Variants in HSPH1 observed in about 807,000 individuals in gnomAD.
The protein encoded by HSPH1 is heat shock protein family H (Hsp110) member 1.
In HSPH1, 40 loss-of-function variants were observed where a neutral mutation model predicts 100.0. The observed-to-expected ratio is 0.40, with a 90% confidence interval of 0.31 to 0.52. HSPH1 has a LOEUF of 0.52. Among genes scored for constraint, HSPH1 ranks in the 20% least tolerant of loss-of-function variants. The pLI is 0.54. For missense variants in HSPH1, 876 were observed against 1,015.1 expected (o/e 0.86, Z 1.86); for synonymous variants, 403 against 344.0 (o/e 1.17, Z -1.90).
chr13:31,154,548 C>T (rs1956609400), intron 4 of HSPH1, 85 bp downstream of exon 4: 8 of 1,478,888 alleles, frequency 5.4e-6, no homozygotes, highest in South Asian at 1.1e-5. Flanking sequence ...AACTAAAGAA[C>T]AGCTTTCCCA....
At position 31,161,765 on chromosome 13, in the gene HSPH1, C is replaced by T; in HGVS notation, c.-183G>A. Reference sequence around the variant, plus strand: ...CGGCCTGTCAGGAGCCTCCTACTCCCCCGGGGACAGCGGCGGCTGGCTGAT... The same window carrying T: ...CGGCCTGTCAGGAGCCTCCTACTCCTCCGGGGACAGCGGCGGCTGGCTGAT... On this transcript the variant is annotated 5_prime_UTR_variant, in exon 1 of 18. Coordinates refer to ENST00000320027, the MANE Select transcript of HSPH1 (RefSeq NM_006644.4). 6.6e-7 allele frequency: 1 copy of T among 1,514,478 alleles called. No individual in the cohort carries two copies. Among genetic ancestry groups the T allele is most frequent in the Non-Finnish European group, 8.8e-7 (1 of 1,133,286 alleles). 93.8% of individuals were successfully genotyped at this position (1,514,478 alleles called of 1,614,324 possible). A position where few individuals can be genotyped will look rare whatever the true frequency, so the allele number is the denominator to read the frequency against.
chr13:31,146,138 T>C (rs553845936), intron 10 of HSPH1, among the ~76,000 whole-genome samples: 2 of 151,946 alleles, frequency 1.3e-5, no homozygotes, highest in African/African-American at 2.4e-5. Context: ...TGTCTCTTAA[T>C]AAATCAATAA....
intron 2 of HSPH1, among the ~76,000 whole-genome samples, chr13:31,156,253 G>A (rs973863453): frequency 6.6e-6 from 1 of 152,144 alleles, no homozygotes; most frequent in Non-Finnish European, 1.5e-5. Flanking sequence ...AGCCGGGCGT[G>A]GTTGCGGGCA....
intron 1 of HSPH1, 82 bp downstream of exon 1, chr13:31,161,394 C>T: frequency 1.3e-6 from 2 of 1,554,012 alleles, no homozygotes; most frequent in Non-Finnish European, 8.7e-7. Flanking sequence ...CGCGGTGATC[C>T]GTACAGCCAG....
chr13:31,143,923 T>C lies in HSPH1; in HGVS notation c.1585A>G (p.Lys529Glu), dbSNP rs367931444. ...QRPPENPDTD[K>E]NVQQDNSEAG... ...TCACTGTTGTCTTGCTGGACATTTT[T>C]CTGAAATGAAAGCCCAGGCACAAAG... Residue 529 changes from lysine (K) to glutamate (E), a missense_variant and splice_region_variant, in exon 12 of 18, where the codon AAA becomes GAA. Transcript: ENST00000320027. 25 of 1,589,344 alleles carry C rather than the reference T, an allele frequency of 1.6e-5. No individual in the cohort carries two copies. Among genetic ancestry groups the C allele is most frequent in the Non-Finnish European group, 2.0e-5 (23 of 1,167,816 alleles).
At chr13:31,161,245 G>A (rs1956896101) in intron 1 of HSPH1, among the ~76,000 whole-genome samples, 1 of 152,132 alleles carries the variant, frequency 6.6e-6, no homozygotes, top group Non-Finnish European at 1.5e-5. Flanking sequence ...TCGACTCTGG[G>A]ACTCCTCTCA....
Position 31,154,477 on chromosome 13 carries a change from A to C in HSPH1, c.429+156T>G, listed in dbSNP as rs1593206693. The C allele has an allele frequency of 1.8e-5, 15 of 843,770 alleles. No individual in the cohort carries two copies. In the East Asian group the frequency reaches 2.9e-4, roughly 16 times the overall value. The allele number at this position is 843,770 out of a possible 1,614,324, so 52.3% of individuals were successfully genotyped here. A position where few individuals can be genotyped will look rare whatever the true frequency, so the allele number is the denominator to read the frequency against. On this transcript the variant is annotated intron_variant, in intron 4 of 17. Coordinates refer to ENST00000320027, the MANE Select transcript of HSPH1 (RefSeq NM_006644.4). ...GCTTCTGGCTAAAAATATCACTCAA[A>C]TCTACTTTGTAATGCTCTGGAACAC...
At chr13:31,153,068 A>G in intron 4 of HSPH1, 117 bp from the exon 5 acceptor site, 1 of 664,740 alleles carries the variant, frequency 1.5e-6, no homozygotes, top group Non-Finnish European at 2.6e-6. Context: ...GCCAAGTCAC[A>G]AAACAGAAAT....
Position 31,150,826 on chromosome 13 carries a change from A to C in HSPH1, c.908+121T>G, listed in dbSNP as rs548345689. On this transcript the variant is annotated intron_variant, in intron 7 of 17. Transcript: ENST00000320027. ...GATAAACAACAGCATCTCCAGCCAC[A>C]GGCATGTAACACACAATTCTGAAAT... 3.1e-6 allele frequency: 3 copies of C among 955,906 alleles called. No homozygotes were observed. In the African/African-American group the frequency reaches 4.9e-5, roughly 16 times the overall value. 59.2% of individuals were successfully genotyped at this position (955,906 alleles called of 1,614,324 possible).
intron 12 of HSPH1, 74 bp downstream of exon 12, chr13:31,143,718 T>C (rs898352581): frequency 7.8e-7 from 1 of 1,276,324 alleles, no homozygotes; most frequent in Non-Finnish European, 1.0e-6. Context: ...CTCTTGAAAC[T>C]GCAATTTAAT....
chr13:31,135,742 A>G lies in HSPH1; in HGVS notation c.*1576T>C, dbSNP rs557946521. ...GCTGAGGAAATAAACCTCAGCAGTC[A>G]AGTGTTACTAAACCTCATAGTTTGA... On this transcript the variant is annotated 3_prime_UTR_variant, in exon 18 of 18. Coordinates refer to ENST00000320027, the MANE Select transcript of HSPH1 (RefSeq NM_006644.4). 6.6e-6 allele frequency: 1 copy of G among 152,364 alleles called. No homozygotes were observed. Among genetic ancestry groups the G allele is most frequent in the African/African-American group, 2.4e-5 (1 of 41,592 alleles). 9.4% of individuals were successfully genotyped at this position (152,364 alleles called of 1,614,324 possible).
intron 13 of HSPH1, 135 bp from the exon 14 acceptor site, chr13:31,140,444 G>T: frequency 1.7e-6 from 1 of 605,634 alleles, no homozygotes; most frequent in Non-Finnish European, 2.6e-6. Flanking sequence ...CTTATACCTT[G>T]TCAAACTCTT....
chr13:31,139,761 CAAG>C (rs1427132493), intron 14 of HSPH1, among the ~76,000 whole-genome samples: 1 of 151,874 alleles, frequency 6.6e-6, no homozygotes, highest in Non-Finnish European at 1.5e-5. Flanking sequence ...AACTGGGAGT[CAAG>C]AAAAGGGATA....
Position 31,141,271 on chromosome 13 carries a change from G to A in HSPH1, c.1717-12C>T. 3.8e-6 allele frequency: 6 copies of A among 1,565,752 alleles called. No individual in the cohort carries two copies. The highest frequency in any genetic ancestry group is 2.0e-5 in the Admixed American group (1 of 49,988). On this transcript the variant is annotated splice_polypyrimidine_tract_variant and intron_variant, in intron 12 of 17. Coordinates refer to ENST00000320027, the MANE Select transcript of HSPH1 (RefSeq NM_006644.4). The stretch of plus-strand genomic sequence containing the variant: ...TTTTTTTCATTTGCCTTGGGAAGAG[G>A]AATAAAAAAAGGAAAAAATTTTAAA...
In HSPH1 at chr13:31,137,209, T is replaced by A; in HGVS notation, c.*109A>T. ...TTTTCCATATAATACACAAAATTTC[T>A]AAATATCCTTAAAAAAGAAAATATA... On this transcript the variant is annotated 3_prime_UTR_variant, in exon 18 of 18. Transcript: ENST00000320027. 1 of 772,766 alleles carries A rather than the reference T, an allele frequency of 1.3e-6. No homozygotes were observed. Among genetic ancestry groups the A allele is most frequent in the Admixed American group, 2.4e-5 (1 of 41,696 alleles). 47.9% of individuals were successfully genotyped at this position (772,766 alleles called of 1,614,324 possible).
rs140546706 is a variant in HSPH1 at position 31,142,607 on chromosome 13, A to G, written c.1716+1185T>C. Among the ~76,000 whole-genome samples, 1,521 of 152,220 alleles carry G rather than the reference A, an allele frequency of 1.0e-2. 16 individuals are homozygous for G. Among genetic ancestry groups the G allele is most frequent in the Non-Finnish European group, 0.015 (1,026 of 67,980 alleles). On this transcript the variant is annotated intron_variant, in intron 12 of 17. Coordinates refer to ENST00000320027, the MANE Select transcript of HSPH1 (RefSeq NM_006644.4). ...AGACAAGACAACCTGATAGTACCCA[A>G]TTAAACCAACTACTGACAAAACCAG...
chr13:31,150,297 C>G, intron 7 of HSPH1, 115 bp from the exon 8 acceptor site: 1 of 678,560 alleles, frequency 1.5e-6, no homozygotes. Flanking sequence ...CCCACATGGG[C>G]CAAGTTTAGC....
rs1955916556 is a variant in HSPH1 at position 31,137,334 on chromosome 13, T to C, written c.2561A>G (p.Asn854Ser). ...ECYPNEKNSV[N>S]MDLD ...TAAGGTTATCTAGTCCAAGTCCATA[T>C]TAACAGAATTTTTCTCATTAGGGTA... is the stretch of plus-strand genomic sequence containing the variant. The change falls in exon 18 of 18, where the codon AAT (asparagine) becomes AGT (serine). Residue 854 changes from asparagine (N) to serine (S), a missense_variant. Coordinates refer to ENST00000320027, the MANE Select transcript of HSPH1 (RefSeq NM_006644.4). 5 of 1,608,174 alleles carry C rather than the reference T, an allele frequency of 3.1e-6. No individual in the cohort carries two copies. In the African/African-American group the frequency reaches 5.4e-5, roughly 17 times the overall value.
intron 11 of HSPH1, 90 bp from the exon 12 acceptor site, chr13:31,144,013 C>T: frequency 2.7e-6 from 3 of 1,127,148 alleles, no homozygotes; most frequent in Non-Finnish European, 3.5e-6. Context: ...AAAGTACACT[C>T]AATTTCTGAA....
Sources: gnomAD v4.1 joint callset for allele counts (sites outside exome capture counted in the v4.1 genomes callset) on GRCh38, gnomAD v4.1.1 for gene constraint, MANE v1.5 for transcripts, NCBI Gene and HGNC (gene_info 2026-07-23, HGNC 2026-07-21) for gene names.